Variants in SGK3 observed in about 807,000 individuals in gnomAD.
SGK3 encodes serum/glucocorticoid regulated kinase family member 3.
Under a neutral mutation model 68.5 loss-of-function variants are expected in SGK3, and 47 were observed. That is an observed-to-expected ratio of 0.69 (90% CI 0.54 to 0.87). The LOEUF (loss-of-function observed/expected upper bound fraction) is 0.87, where lower values mean the gene tolerates loss of function less well. Among genes scored for constraint, SGK3 ranks in the 40% least tolerant of loss-of-function variants. The probability of loss-of-function intolerance (pLI) is 0.00; values close to 1 mark genes in which losing one functional copy is unlikely to be tolerated. For synonymous variants in SGK3, 181 were observed against 189.1 expected (o/e 0.96, Z 0.35); for missense variants, 479 against 575.5 (o/e 0.83, Z 1.72).
At chr8:66,735,670 T>C (rs926375615) in intron 1 of SGK3, among the ~76,000 whole-genome samples, 1 of 152,212 alleles carries the variant, frequency 6.6e-6, no homozygotes, top group Admixed American at 6.5e-5. Context: ...AGAAGCACTT[T>C]CCCATTTCAC....
rs1585636167 is a variant in SGK3, at chr8:66,727,513, A to C, written c.-122+14680A>C. ...GTGTCTCCCACAGTGCATGTGTTGGAAACTTAATCCCCAATACAACAGCAT... is the reference window on the plus strand; with the variant it reads ...GTGTCTCCCACAGTGCATGTGTTGGCAACTTAATCCCCAATACAACAGCAT... On this transcript the variant is annotated intron_variant, in intron 1 of 16. Coordinates refer to ENST00000521198, the MANE Select transcript of SGK3 (RefSeq NM_001033578.3). Among the ~76,000 whole-genome samples the C allele has an allele frequency of 3.3e-5, 5 of 152,308 alleles. 1 individual carries two copies. The highest frequency in any genetic ancestry group is 3.3e-4 in the Admixed American group (5 of 15,290).
At chr8:66,789,605 G>T (rs774770686) in intron 1 of SGK3, among the ~76,000 whole-genome samples, 1 of 152,198 alleles carries the variant, frequency 6.6e-6, no homozygotes, top group Non-Finnish European at 1.5e-5. Context: ...ACTTTGACTT[G>T]TAGACCATGT....
intron 1 of SGK3, among the ~76,000 whole-genome samples, chr8:66,724,953 A>G (rs2130349185): frequency 6.6e-6 from 1 of 152,232 alleles, no homozygotes; most frequent in African/African-American, 2.4e-5. Context: ...TTGGCTGGGC[A>G]CGGTGGCTCA....
intron 4 of SGK3, among the ~76,000 whole-genome samples, chr8:66,810,852 T>G (rs1192436744): frequency 2.0e-5 from 3 of 152,232 alleles, no homozygotes; most frequent in Non-Finnish European, 2.9e-5. Context: ...GTCTTCTTTT[T>G]CTTTTGTCTA....
At chr8:66,713,205 T>C (rs1804541833) in intron 1 of SGK3, among the ~76,000 whole-genome samples, 1 of 152,204 alleles carries the variant, frequency 6.6e-6, no homozygotes, top group Admixed American at 6.5e-5. Context: ...GTGGGGTGGA[T>C]GGAATCGTTT....
At chr8:66,749,177 A>G (rs1209536816) in intron 1 of SGK3, among the ~76,000 whole-genome samples, 1 of 152,216 alleles carries the variant, frequency 6.6e-6, no homozygotes, top group Non-Finnish European at 1.5e-5. Flanking sequence ...TTCAGTCAAT[A>G]TACGTCAAAA....
chr8:66,841,255 C>T (rs965449098), intron 13 of SGK3, 145 bp downstream of exon 13: 1 of 598,002 alleles, frequency 1.7e-6, no homozygotes, highest in African/African-American at 1.9e-5. Context: ...ACCTGATAAT[C>T]ATGCCTTGAT....
At chr8:66,748,785 A>G (rs1050595752) in intron 1 of SGK3, among the ~76,000 whole-genome samples, 3 of 152,222 alleles carry the variant, frequency 2.0e-5, no homozygotes, top group African/African-American at 7.2e-5. Context: ...ACTTTTAAAA[A>G]GATGGTGGAC....
At chr8:66,777,985 T>G (rs1390361905) in intron 1 of SGK3, 1 of 152,282 alleles carries the variant, frequency 6.6e-6, no homozygotes, top group African/African-American at 2.4e-5. Flanking sequence ...CTAGTGGCTG[T>G]TGCCTGTTTC....
intron 5 of SGK3, among the ~76,000 whole-genome samples, chr8:66,822,053 C>T (rs1055927832): frequency 6.7e-6 from 1 of 149,190 alleles, no homozygotes; most frequent in Admixed American, 6.7e-5. Flanking sequence ...ACGGACATAA[C>T]GTGATATCTC....
intron 1 of SGK3, among the ~76,000 whole-genome samples, chr8:66,717,103 G>C (rs1804655856): frequency 6.6e-6 from 1 of 151,824 alleles, no homozygotes; most frequent in Non-Finnish European, 1.5e-5. Flanking sequence ...TACTTGGGAG[G>C]CTGAGGCAGG....
chr8:66,816,225 A>T (rs193247182), intron 5 of SGK3, among the ~76,000 whole-genome samples: 32 of 151,732 alleles, frequency 2.1e-4, no homozygotes, highest in Middle Eastern at 3.4e-3. Context: ...GATGGTCTTC[A>T]TCTACTGACC....
chr8:66,839,537 A>ATATATG (rs1809698659), intron 10 of SGK3, among the ~76,000 whole-genome samples: 3 of 76,070 alleles, frequency 3.9e-5, no homozygotes, highest in South Asian at 7.9e-4. Flanking sequence ...ATATATATAT[A>ATATATG]TATATATATA....
chr8:66,772,638 G>T (rs1806549705), intron 1 of SGK3, among the ~76,000 whole-genome samples: 1 of 150,126 alleles, frequency 6.7e-6, no homozygotes, highest in African/African-American at 2.5e-5. Flanking sequence ...TCGGCTCACT[G>T]CAAGCTCTGC....
intron 1 of SGK3, among the ~76,000 whole-genome samples, chr8:66,728,678 G>C (rs1181221790): frequency 1.3e-5 from 2 of 152,060 alleles, no homozygotes; most frequent in South Asian, 4.1e-4. Context: ...CAAGGTGGGA[G>C]GATTGCTTGA....
At chr8:66,734,815 C>T (rs773076544) in intron 1 of SGK3, among the ~76,000 whole-genome samples, 14 of 151,866 alleles carry the variant, frequency 9.2e-5, no homozygotes, top group African/African-American at 1.2e-4. Context: ...GGCGTGGTGG[C>T]GCACACCTGT....
At chr8:66,785,922 A>G (rs1381653185) in intron 1 of SGK3, among the ~76,000 whole-genome samples, 1 of 152,228 alleles carries the variant, frequency 6.6e-6, no homozygotes, top group Non-Finnish European at 1.5e-5. Context: ...TAGCAGAGTG[A>G]AGGCAGATCC....
In SGK3 at chr8:66,747,206, G is replaced by A. The variant is rs149308207; in HGVS notation, c.-122+34373G>A. ...CAAAGCATGCTGAATGTAGCTTTCT[G>A]AAAGTTGTTCTCATGGTATTAAGGT... On this transcript the variant is annotated intron_variant, in intron 1 of 16. Transcript: ENST00000521198. Among the ~76,000 whole-genome samples, 489 of 152,212 alleles carry A rather than the reference G, an allele frequency of 3.2e-3. 5 individuals are homozygous for A. The highest frequency in any genetic ancestry group is 0.012 in the African/African-American group (478 of 41,538).
intron 1 of SGK3, among the ~76,000 whole-genome samples, chr8:66,720,252 T>G (rs1332247053): frequency 2.0e-5 from 3 of 152,218 alleles, no homozygotes; most frequent in African/African-American, 7.2e-5. Context: ...TGATAGGATG[T>G]TCACATGTAA....
Sources: allele counts gnomAD v4.1 joint callset (sites outside exome capture counted in the v4.1 genomes callset), GRCh38; gene constraint gnomAD v4.1.1; transcripts MANE v1.5; gene names NCBI Gene and HGNC (gene_info 2026-07-23, HGNC 2026-07-21).